The following PRKN variants were observed in gnomAD, a reference collection of about 807,000 sequenced individuals.
PRKN encodes the protein E3 ubiquitin-protein ligase parkin.
Under a neutral mutation model 59.5 loss-of-function variants are expected in PRKN, and 56 were observed. The ratio of observed to expected loss-of-function variants is 0.94; its 90% CI spans 0.76 to 1.18. The LOEUF (loss-of-function observed/expected upper bound fraction) is 1.18, where lower values mean the gene tolerates loss of function less well. Ranked by LOEUF, PRKN falls within the 50% of genes most tolerant of loss-of-function variation. The probability of loss-of-function intolerance (pLI) is 0.00; values close to 1 mark genes in which losing one functional copy is unlikely to be tolerated. For missense variants in PRKN, 657 were observed against 596.4 expected, an observed-to-expected ratio of 1.10 and a Z score of -1.06; for synonymous variants, 250 against 222.1, an observed-to-expected ratio of 1.13 and a Z score of -1.12.
At chr6:161,374,672 TA>T (rs1186474832) in intron 10 of PRKN, among the ~76,000 whole-genome samples, 5 of 151,924 alleles carry the variant, frequency 3.3e-5, no homozygotes, top group African/African-American at 1.2e-4. Context: ...GTGTGTTATA[TA>T]TGTGTGGTGT....
chr6:162,317,103 G>A (rs1233703401), intron 2 of PRKN, among the ~76,000 whole-genome samples: 1 of 151,980 alleles, frequency 6.6e-6, no homozygotes, highest in East Asian at 2.0e-4. Flanking sequence ...AAACATTAAA[G>A]CATATCATTT....
intron 6 of PRKN, among the ~76,000 whole-genome samples, chr6:161,900,894 T>C (rs1388222103): frequency 1.5e-5 from 2 of 135,938 alleles, no homozygotes; most frequent in African/African-American, 2.8e-5. Context: ...ATATTATATA[T>C]AACACATATG....
chr6:161,814,503 C>CT (rs1472696596), intron 6 of PRKN, among the ~76,000 whole-genome samples: 1 of 151,954 alleles, frequency 6.6e-6, no homozygotes, highest in Non-Finnish European at 1.5e-5. Context: ...GGGGAACTGC[C>CT]TTTTTTTCTT....
rs563725503 is a variant in PRKN at position 162,235,551 on chromosome 6, T to C, written c.412+26974A>G. On this transcript the variant is annotated intron_variant, in intron 3 of 11. Transcript: ENST00000366898. ...GGCCGGGCGCAGTGGCTGAAGCCTCTAATCCCAGCACTTTGGGAGGCCAAG... is the reference window on the plus strand; with the variant it reads ...GGCCGGGCGCAGTGGCTGAAGCCTCCAATCCCAGCACTTTGGGAGGCCAAG... Among the ~76,000 whole-genome samples the C allele has an allele frequency of 4.9e-4, 75 of 152,286 alleles. 1 individual carries two copies. The highest frequency in any genetic ancestry group is 1.7e-3 in the African/African-American group (69 of 41,558).
intron 6 of PRKN, among the ~76,000 whole-genome samples, chr6:161,845,447 C>A (rs1462651521): frequency 6.6e-6 from 1 of 152,180 alleles, no homozygotes; most frequent in East Asian, 1.9e-4. Flanking sequence ...TGCTAGCACA[C>A]CATTTGACTG....
intron 4 of PRKN, among the ~76,000 whole-genome samples, chr6:162,175,865 T>A (rs1245303135): frequency 6.6e-6 from 1 of 152,220 alleles, no homozygotes; most frequent in Non-Finnish European, 1.5e-5. Flanking sequence ...TCAGTAAATA[T>A]CTGTGCTGCC....
chr6:162,274,729 C>T (rs1780544676), intron 2 of PRKN, among the ~76,000 whole-genome samples: 1 of 152,030 alleles, frequency 6.6e-6, no homozygotes, highest in Non-Finnish European at 1.5e-5. Flanking sequence ...CTAAATTTTG[C>T]CAGTTGCATA....
In PRKN at chr6:161,533,878, T is replaced by C. The variant is rs895422434; in HGVS notation, c.1083+14976A>G. ...CTAGACTACGATGCTGCTTCACTAG[T>C]AGGAAGAGAAAAGATAAACAGCGAT... On this transcript the variant is annotated intron_variant, in intron 9 of 11. Coordinates refer to ENST00000366898, the MANE Select transcript of PRKN (RefSeq NM_004562.3). The surrounding 1 kb of genome is among the most constrained non-coding windows in gnomAD (Gnocchi z 4.1). 5.3e-5 allele frequency among the ~76,000 whole-genome samples: 8 copies of C among 152,034 alleles called. No homozygotes were observed. Among genetic ancestry groups the C allele is most frequent in the African/African-American group, 1.9e-4 (8 of 41,386 alleles).
chr6:162,531,423 A>C (rs1008186243), intron 1 of PRKN, among the ~76,000 whole-genome samples: 5 of 152,162 alleles, frequency 3.3e-5, no homozygotes, highest in Admixed American at 2.6e-4. Context: ...TACTCAAATC[A>C]GTCTCCCCAA....
chr6:162,152,550 G>A (rs1016897801), intron 4 of PRKN, among the ~76,000 whole-genome samples: 5 of 152,170 alleles, frequency 3.3e-5, no homozygotes, highest in African/African-American at 1.2e-4. Context: ...TCTTCCACAT[G>A]CATACTGCAG....
intron 4 of PRKN, among the ~76,000 whole-genome samples, chr6:162,114,978 A>G (rs1780602938): frequency 6.6e-6 from 1 of 151,628 alleles, no homozygotes; most frequent in South Asian, 2.1e-4. Context: ...CATTTGACCC[A>G]GGCATCCCAT....
At chr6:161,955,795 A>G (rs528729312) in intron 6 of PRKN, among the ~76,000 whole-genome samples, 1 of 152,366 alleles carries the variant, frequency 6.6e-6, no homozygotes, top group South Asian at 2.1e-4. Flanking sequence ...GGTTGCAGTG[A>G]GCCAAGATCA....
intron 9 of PRKN, among the ~76,000 whole-genome samples, chr6:161,435,897 C>A (rs1658957430): frequency 1.6e-5 from 1 of 64,152 alleles, no homozygotes; most frequent in African/African-American, 6.7e-5. Flanking sequence ...CCCACTCCTC[C>A]CAGCAATGAC....
chr6:161,617,039 A>G (rs1782723922), intron 7 of PRKN, among the ~76,000 whole-genome samples: 1 of 152,182 alleles, frequency 6.6e-6, no homozygotes, highest in Non-Finnish European at 1.5e-5. Context: ...GTGTAAAAGC[A>G]TTCCTATTTC....
At chr6:162,707,011 T>A (rs1778361760) in intron 1 of PRKN, among the ~76,000 whole-genome samples, 1 of 152,182 alleles carries the variant, frequency 6.6e-6, no homozygotes, top group Non-Finnish European at 1.5e-5. Flanking sequence ...TTTTCTTACC[T>A]CAAAATTAAG....
At chr6:161,438,085 G>C (rs1789010067) in intron 9 of PRKN, among the ~76,000 whole-genome samples, 1 of 152,106 alleles carries the variant, frequency 6.6e-6, no homozygotes, top group Non-Finnish European at 1.5e-5. Context: ...TATTCCATGG[G>C]TTAATATAAT....
chr6:161,620,112 C>G (rs1278596707), intron 7 of PRKN, among the ~76,000 whole-genome samples: 2 of 149,782 alleles, frequency 1.3e-5, no homozygotes. Flanking sequence ...GCCTCAGCCT[C>G]CTGAAGTACC....
intron 4 of PRKN, among the ~76,000 whole-genome samples, chr6:162,186,299 T>A (rs1209383225): frequency 6.7e-6 from 1 of 149,772 alleles, no homozygotes; most frequent in Non-Finnish European, 1.5e-5. Context: ...CTGACATAAT[T>A]TTTTTAACAG....
intron 4 of PRKN, among the ~76,000 whole-genome samples, chr6:162,192,979 C>T (rs1265251318): frequency 2.6e-5 from 4 of 152,080 alleles, no homozygotes; most frequent in Admixed American, 1.3e-4. Context: ...TCTGCAAGAC[C>T]GACTTCTTTT....
Sources: allele counts gnomAD v4.1 joint callset (sites outside exome capture counted in the v4.1 genomes callset), GRCh38; gene constraint gnomAD v4.1.1; non-coding constraint Gnocchi (gnomAD v3.1); transcripts MANE v1.5; gene names NCBI Gene and HGNC (gene_info 2026-07-23, HGNC 2026-07-21).